Variants in MPHOSPH9 observed in about 807,000 individuals in gnomAD.
MPHOSPH9 encodes M-phase phosphoprotein 9.
Under a neutral mutation model 145.5 loss-of-function variants are expected in MPHOSPH9, and 88 were observed. The ratio of observed to expected loss-of-function variants is 0.60; its 90% confidence interval spans 0.51 to 0.72. The LOEUF (loss-of-function observed/expected upper bound fraction) is 0.72, where lower values mean the gene tolerates loss of function less well. Ranked by LOEUF, MPHOSPH9 falls within the 30% of genes least tolerant of loss-of-function variation. The pLI, the probability that MPHOSPH9 is intolerant of heterozygous loss-of-function variation, is 0.00. For synonymous variants in MPHOSPH9, 435 were observed against 486.2 expected (o/e 0.89, Z 1.39); for missense variants, 1,238 against 1,386.6 (o/e 0.89, Z 1.70).
intron 16 of MPHOSPH9, among the ~76,000 whole-genome samples, chr12:123,167,736 G>A (rs972195031): frequency 1.3e-5 from 2 of 152,144 alleles, no homozygotes; most frequent in Non-Finnish European, 2.9e-5. Context: ...TAGTAATAGT[G>A]GCTGTTGGCA....
At chr12:123,204,739 G>A (rs1408088741) in intron 8 of MPHOSPH9, among the ~76,000 whole-genome samples, 1 of 152,144 alleles carries the variant, frequency 6.6e-6, no homozygotes, top group Non-Finnish European at 1.5e-5. Context: ...GCTGGGAGTG[G>A]TGGCGCAGGC....
intron 19 of MPHOSPH9, 44 bp from the exon 20 acceptor site, chr12:123,163,178 G>C (rs1727296): frequency 0.76 from 1,143,312 of 1,511,538 alleles, 444,050 homozygotes; most frequent in East Asian, 0.97. Context: ...CCTTCTATAT[G>C]TATCAGCATA....
At chr12:123,195,046 A>T (rs557619280) in intron 12 of MPHOSPH9, among the ~76,000 whole-genome samples, 5 of 152,330 alleles carry the variant, frequency 3.3e-5, no homozygotes, top group Non-Finnish European at 5.9e-5. Flanking sequence ...TCTGGGATGG[A>T]GAGTCCAGAA....
chr12:123,167,587 G>C (rs978113122), intron 16 of MPHOSPH9, among the ~76,000 whole-genome samples: 1 of 152,078 alleles, frequency 6.6e-6, no homozygotes, highest in Non-Finnish European at 1.5e-5. Context: ...AAAGTTTCCT[G>C]TGTCCCAACC....
intron 16 of MPHOSPH9, among the ~76,000 whole-genome samples, chr12:123,174,533 C>T (rs1236964359): frequency 7.2e-5 from 11 of 151,940 alleles, no homozygotes; most frequent in African/African-American, 2.2e-4. Context: ...CCACCACACC[C>T]GGCTAATTTT....
At chr12:123,237,951 A>G (rs891430239), upstream of MPHOSPH9, among the ~76,000 whole-genome samples, 1 of 151,190 alleles carries the variant, frequency 6.6e-6, no homozygotes, top group Non-Finnish European at 1.5e-5. Context: ...GGTGGAGTGC[A>G]GTGGTGTGAC....
intron 12 of MPHOSPH9, among the ~76,000 whole-genome samples, chr12:123,195,618 A>G (rs1343965946): frequency 2.0e-5 from 3 of 151,900 alleles, no homozygotes. Context: ...GAAATTAAAA[A>G]CCCATCTGAT....
intron 16 of MPHOSPH9, among the ~76,000 whole-genome samples, chr12:123,170,641 C>T (rs1400160746): frequency 2.0e-5 from 3 of 152,160 alleles, no homozygotes; most frequent in Admixed American, 6.6e-5. Flanking sequence ...TACATATAAG[C>T]TCTATTCATT....
chr12:123,237,415 C>T (rs1378015193), upstream of MPHOSPH9, among the ~76,000 whole-genome samples: 4 of 152,080 alleles, frequency 2.6e-5, no homozygotes, highest in Non-Finnish European at 5.9e-5. Flanking sequence ...GGGTGACAAG[C>T]GAAACTCCGG....
chr12:123,168,578 A>G (rs1444822086), intron 16 of MPHOSPH9, among the ~76,000 whole-genome samples: 24 of 151,652 alleles, frequency 1.6e-4, no homozygotes, highest in African/African-American at 7.3e-5. Flanking sequence ...TCCTGACCTC[A>G]TGATCCGCCC....
chr12:123,212,665 C>T (rs2046778376), intron 7 of MPHOSPH9, among the ~76,000 whole-genome samples: 1 of 126,956 alleles, frequency 7.9e-6, no homozygotes, highest in Non-Finnish European at 1.6e-5. Flanking sequence ...AAGCCGAGAT[C>T]ACACCATCGC....
upstream of MPHOSPH9, chr12:123,233,253 C>G (rs2047753181): frequency 1.3e-5 from 2 of 152,332 alleles, no homozygotes; most frequent in Admixed American, 1.3e-4. Context: ...CAGCTCCAAC[C>G]AAAGAGAGAC....
chr12:123,166,617 A>G (rs1406364636), intron 17 of MPHOSPH9, 38 bp downstream of exon 17: 1 of 1,598,132 alleles, frequency 6.3e-7, no homozygotes, highest in East Asian at 2.2e-5. Flanking sequence ...AAGAAAACAT[A>G]ACATCCCTAA....
At chr12:123,162,942 G>A in intron 20 of MPHOSPH9, 72 bp downstream of exon 20, 2 of 1,389,152 alleles carry the variant, frequency 1.4e-6, no homozygotes, top group Non-Finnish European at 1.9e-6. Flanking sequence ...GTGATAGCTA[G>A]AGACATAAGT....
In MPHOSPH9 at chr12:123,223,066, T is replaced by G. The variant is rs1593237548; in HGVS notation, c.320A>C (p.Gln107Pro). The stretch of plus-strand genomic sequence containing the variant: ...AATTTGGTTGTGGAACTGCTCCTGC[T>G]GGGCAACTATCTGTTCTTGGCATTG... ...EKQCQEQIVA[Q>P]QEQFHNQIQH... The change falls in exon 4 of 24, where the codon CAG (glutamine) becomes CCG (proline). Residue 107 changes from glutamine (Q) to proline (P), a missense_variant. Transcript: ENST00000606320. The G allele has an allele frequency of 6.6e-7, 1 of 1,515,752 alleles. No individual in the cohort carries two copies. The highest frequency in any genetic ancestry group is 2.6e-5 in the East Asian group (1 of 38,896). The allele number at this position is 1,515,752 out of a possible 1,614,324, so 93.9% of individuals were successfully genotyped here.
At chr12:123,207,870 A>AG (rs2046509033) in intron 8 of MPHOSPH9, among the ~76,000 whole-genome samples, 1 of 6,760 alleles carries the variant, frequency 1.5e-4, no homozygotes, top group Non-Finnish European at 3.5e-4. Context: ...AAAAAAAAAG[A>AG]AAAAAAAAAA....
chr12:123,238,148 C>T (rs545589958), upstream of MPHOSPH9, among the ~76,000 whole-genome samples: 3 of 152,254 alleles, frequency 2.0e-5, no homozygotes, highest in East Asian at 5.8e-4. Flanking sequence ...CACCCTCAGC[C>T]TCCCAAAGTG....
At chr12:123,196,320 AG>A (rs2045942828) in intron 12 of MPHOSPH9, among the ~76,000 whole-genome samples, 1 of 152,190 alleles carries the variant, frequency 6.6e-6, no homozygotes, top group South Asian at 2.1e-4. Flanking sequence ...ATTGCACTCC[AG>A]CCTGGGCAAC....
chr12:123,238,596 C>T (rs1254692389), intron 1 of MPHOSPH9, among the ~76,000 whole-genome samples: 1 of 152,024 alleles, frequency 6.6e-6, no homozygotes, highest in Admixed American at 6.6e-5. Context: ...CATGATGAAA[C>T]CCCATCTCTA....
Sources: gnomAD v4.1 joint callset for allele counts (sites outside exome capture counted in the v4.1 genomes callset) on GRCh38, gnomAD v4.1.1 for gene constraint, MANE v1.5 for transcripts, NCBI Gene and HGNC (gene_info 2026-07-23, HGNC 2026-07-21) for gene names.